EVPLL: variants seen among roughly 807,000 people sequenced by gnomAD.
EVPLL encodes the protein envoplakin-like protein.
In EVPLL, 39 loss-of-function variants were observed where a neutral mutation model predicts 46.2. The observed-to-expected ratio is 0.84, with a 90% CI of 0.65 to 1.10. The LOEUF (loss-of-function observed/expected upper bound fraction) is 1.10, where lower values mean the gene tolerates loss of function less well. Ranked by LOEUF, EVPLL falls within the 50% of genes least tolerant of loss-of-function variation. The pLI is 0.00. For synonymous variants in EVPLL, 156 were observed against 165.8 expected, an observed-to-expected ratio of 0.94 and a Z score of 0.46; for missense variants, 385 against 412.6, an observed-to-expected ratio of 0.93 and a Z score of 0.58.
At chr17:18,380,811 T>C in intron 1 of EVPLL, 91 bp from the exon 2 acceptor site, 1 of 1,067,956 alleles carries the variant, frequency 9.4e-7, no homozygotes, top group Non-Finnish European at 1.4e-6. Context: ...GGGGGCGGGA[T>C]GGGGTGGAGA....
At chr17:18,388,475 G>GAC (rs1987848844) in intron 10 of EVPLL, 187 bp downstream of exon 10, 1 of 507,384 alleles carries the variant, frequency 2.0e-6, no homozygotes, top group Non-Finnish European at 3.6e-6. Flanking sequence ...TACCTGGGTT[G>GAC]ACAAACAGCT....
At chr17:18,388,323 T>A (rs1987843426) in intron 10 of EVPLL, 35 bp downstream of exon 10, 1 of 975,098 alleles carries the variant, frequency 1.0e-6, no homozygotes, top group Non-Finnish European at 1.6e-6. Context: ...TAGCAAAGGG[T>A]CTTCTGGTTG....
chr17:18,380,891 C>T lies in EVPLL; in HGVS notation c.-36-11C>T. The T allele has an allele frequency of 6.4e-7, 1 of 1,560,338 alleles. No individual in the cohort carries two copies. Among genetic ancestry groups the T allele is most frequent in the Non-Finnish European group, 8.7e-7 (1 of 1,152,428 alleles). On this transcript the variant is annotated splice_polypyrimidine_tract_variant and intron_variant, in intron 1 of 10. Transcript: ENST00000399134. ...CCACCGAGCTGCCCACTGTCCCCTC[C>T]ACCCACCAAGAATGCCACCCAGGAG...
intron 5 of EVPLL, 78 bp downstream of exon 5, chr17:18,382,716 G>A (rs1048603347): frequency 1.3e-6 from 2 of 1,555,882 alleles, no homozygotes; most frequent in Admixed American, 3.9e-5. Context: ...AGCTAGATCG[G>A]CTGGGCCCTG....
chr17:18,386,652 T>C (rs1348863021), intron 9 of EVPLL, among the ~76,000 whole-genome samples: 2 of 151,972 alleles, frequency 1.3e-5, no homozygotes, highest in Non-Finnish European at 2.9e-5. Flanking sequence ...CGGCTGTGGG[T>C]GAAGTAGCCC....
intron 6 of EVPLL, 69 bp from the exon 7 acceptor site, chr17:18,382,956 C>T (rs978018856): frequency 6.3e-7 from 1 of 1,575,414 alleles, no homozygotes; most frequent in East Asian, 2.3e-5. Context: ...TGAGCGCCGC[C>T]CAATGGCGCC....
intron 6 of EVPLL, 53 bp from the exon 7 acceptor site, chr17:18,382,972 C>T: frequency 2.6e-6 from 4 of 1,565,970 alleles, no homozygotes; most frequent in Non-Finnish European, 2.6e-6. Context: ...GCGCCTTTTG[C>T]CCCCCACTTT....
At chr17:18,387,496 G>C (rs112206293) in intron 9 of EVPLL, among the ~76,000 whole-genome samples, 13 of 130,424 alleles carry the variant, frequency 1.0e-4, no homozygotes, top group African/African-American at 3.8e-4. Flanking sequence ...CTTGGGCTTC[G>C]TGGACCCTGT....
chr17:18,380,575 CAG>C, intron 1 of EVPLL: 1 of 233,346 alleles, frequency 4.3e-6, no homozygotes. Flanking sequence ...TACCGGCTCA[CAG>C]GGGGGAAGTG....
chr17:18,377,783 A>T lies in EVPLL; in HGVS notation c.-237A>T, dbSNP rs1987428111. 14 of 557,938 alleles carry T rather than the reference A, an allele frequency of 2.5e-5. No individual in the cohort carries two copies. The East Asian group carries it at 5.6e-4, about 22-fold the overall frequency. 34.6% of individuals were successfully genotyped at this position (557,938 alleles called of 1,614,324 possible). ...ATGCCCAGCCGCCCCACCTTGCCAG[A>T]CTTAGCTGACCAGCCAGCAAGGACG... On this transcript the variant is annotated 5_prime_UTR_variant, in exon 1 of 11. Coordinates refer to ENST00000399134, the MANE Select transcript of EVPLL (RefSeq NM_001145127.2).
rs143097872 is a variant in EVPLL at position 18,380,675 on chromosome 17, C to T, written c.-36-227C>T. Reference sequence around the variant, plus strand: ...AGGCCGCCTGACACCCAGCACCACACAGACCTGAGACCCTCACCTTTTGAC... The same window carrying T: ...AGGCCGCCTGACACCCAGCACCACATAGACCTGAGACCCTCACCTTTTGAC... On this transcript the variant is annotated intron_variant, in intron 1 of 10. Coordinates refer to ENST00000399134, the MANE Select transcript of EVPLL (RefSeq NM_001145127.2). The T allele has an allele frequency of 2.0e-3, 995 of 491,052 alleles. 7 individuals carry two copies. Among genetic ancestry groups the T allele is most frequent in the African/African-American group, 0.018 (926 of 51,964 alleles). The allele number at this position is 491,052 out of a possible 1,614,324, so 30.4% of individuals were successfully genotyped here. A position where few individuals can be genotyped will look rare whatever the true frequency, so the allele number is the denominator to read the frequency against.
chr17:18,387,652 G>A (rs954252344), intron 9 of EVPLL, among the ~76,000 whole-genome samples: 3 of 151,878 alleles, frequency 2.0e-5, no homozygotes, highest in African/African-American at 4.8e-5. Context: ...TGGATTGTGG[G>A]CCATAGTTTG....
At position 18,377,809 on chromosome 17, in the gene EVPLL, C is replaced by G; in HGVS notation, c.-211C>G. On this transcript the variant is annotated 5_prime_UTR_variant, in exon 1 of 11. Coordinates refer to ENST00000399134, the MANE Select transcript of EVPLL (RefSeq NM_001145127.2). ...CTTAGCTGACCAGCCAGCAAGGACG[C>G]CCGCTGCCTCCCACCTGCCCTCCTG... is the stretch of plus-strand genomic sequence containing the variant. 2 of 610,130 alleles carry G rather than the reference C, an allele frequency of 3.3e-6. No homozygotes were observed. Among genetic ancestry groups the G allele is most frequent in the South Asian group, 3.7e-5 (2 of 54,204 alleles). The allele number at this position is 610,130 out of a possible 1,614,324, so 37.8% of individuals were successfully genotyped here.
At chr17:18,387,256 T>C (rs1987798137) in intron 9 of EVPLL, among the ~76,000 whole-genome samples, 1 of 151,944 alleles carries the variant, frequency 6.6e-6, no homozygotes, top group Admixed American at 6.6e-5. Flanking sequence ...AGGGATCCTT[T>C]GGCAGAAAGA....
chr17:18,387,711 T>G (rs1171493028), intron 9 of EVPLL, among the ~76,000 whole-genome samples: 2 of 152,140 alleles, frequency 1.3e-5, no homozygotes, highest in Non-Finnish European at 2.9e-5. Flanking sequence ...TATTTATGCC[T>G]CTTAAAAACA....
At chr17:18,388,411 G>C (rs1987846972) in intron 10 of EVPLL, 123 bp downstream of exon 10, 4 of 634,112 alleles carry the variant, frequency 6.3e-6, no homozygotes, top group Non-Finnish European at 1.1e-5. Flanking sequence ...TCTGTGCTGT[G>C]TCTCTGGATC....
rs1474615935 is a variant in EVPLL, at chr17:18,381,552, C to T, written c.218+31C>T. The T allele has an allele frequency of 1.9e-6, 3 of 1,613,310 alleles. No individual in the cohort carries two copies. Among genetic ancestry groups the T allele is most frequent in the African/African-American group, 2.7e-5 (2 of 75,048 alleles). ...TGGGGCTGCGGCAGGGCTGGGGGTC[C>T]CTGGGGAAGACCCAGGCCCAGCCCT... On this transcript the variant is annotated intron_variant, in intron 3 of 10. Coordinates refer to ENST00000399134, the MANE Select transcript of EVPLL (RefSeq NM_001145127.2). The surrounding 1 kb of genome is among the most constrained non-coding windows in gnomAD (Gnocchi z 4.2).
In EVPLL at chr17:18,381,730, G is replaced by T. The variant is rs773371709; in HGVS notation, c.346G>T (p.Glu116Ter). ...RLGTRAGAET[E>*]AGLRRPVWAG... ...GGGCACACGTGCTGGAGCAGAAACA[G>T]GTCAGGAGCTCAAAGTCACACCCCA... Residue 116 changes from glutamate (E) to a stop codon, truncating the protein, a stop_gained and splice_region_variant, in exon 4 of 11, where the codon GAA becomes TAA. Coordinates refer to ENST00000399134, the MANE Select transcript of EVPLL (RefSeq NM_001145127.2). LOFTEE classifies it high-confidence loss of function. This position sits in a 1 kb window ranked among gnomAD's most constrained non-coding sequence, Gnocchi z 4.2. The T allele has an allele frequency of 1.1e-5, 18 of 1,614,070 alleles. No homozygotes were observed. Among genetic ancestry groups the T allele is most frequent in the African/African-American group, 1.1e-4 (8 of 74,950 alleles).
intron 1 of EVPLL, chr17:18,380,363 C>A (rs1987521261): frequency 6.5e-6 from 1 of 153,720 alleles, no homozygotes; most frequent in Non-Finnish European, 1.4e-5. Flanking sequence ...GCGCCTGCCC[C>A]CGCTCCCCGA....
Sources: allele counts gnomAD v4.1 joint callset (sites outside exome capture counted in the v4.1 genomes callset), GRCh38; gene constraint gnomAD v4.1.1; non-coding constraint Gnocchi (gnomAD v3.1); transcripts MANE v1.5; gene names NCBI Gene and HGNC (gene_info 2026-07-23, HGNC 2026-07-21).